The following TBCEL variants were observed in gnomAD, a reference collection of about 807,000 sequenced individuals.
The protein encoded by TBCEL is tubulin folding cofactor E like, also known as tubulin-specific chaperone cofactor E-like protein.
TBCEL carries 15 observed loss-of-function variants against 44.2 expected under a neutral mutation model. The ratio of observed to expected loss-of-function variants is 0.34; its 90% confidence interval spans 0.23 to 0.52. The LOEUF is 0.52. Among genes scored for constraint, TBCEL ranks in the 20% least tolerant of loss-of-function variants. The probability of loss-of-function intolerance (pLI) is 0.95; values close to 1 mark genes in which losing one functional copy is unlikely to be tolerated. For synonymous variants in TBCEL, 171 were observed against 185.4 expected (o/e 0.92, Z 0.63); for missense variants, 319 against 506.3 (o/e 0.63, Z 3.55).
intron 8 of TBCEL, among the ~76,000 whole-genome samples, chr11:121,086,152 C>G (rs1241829608): frequency 6.6e-6 from 1 of 152,228 alleles, no homozygotes; most frequent in East Asian, 1.9e-4. Context: ...CTCTTGGTAT[C>G]TTTTCCTTTG....
chr11:121,068,902 A>C (rs982453067), intron 8 of TBCEL, among the ~76,000 whole-genome samples: 21 of 151,226 alleles, frequency 1.4e-4, no homozygotes, highest in African/African-American at 3.4e-4. Context: ...AAAAAAAAAA[A>C]CAGACAAAAA....
Position 121,058,443 on chromosome 11 carries a change from G to A in TBCEL, c.811G>A (p.Glu271Lys), listed in dbSNP as rs1323250113. ...GIPLLQPYTT[E>K]ERRKLVIARL... is the part of the protein sequence containing the mutation. ...TCCTCTTCTGCAGCCATATACCACC[G>A]AGGAGCGAAGGAAATTGGTAATAGC... The change falls in exon 7 of 9, where the codon GAG (glutamate) becomes AAG (lysine). Residue 271 changes from glutamate (E) to lysine (K), a missense_variant. By Grantham distance (56) the Glu-to-Lys change is moderately conservative (BLOSUM62 1). Transcript: ENST00000683345. The A allele has an allele frequency of 6.2e-7, 1 of 1,611,690 alleles. No homozygotes were observed. Among genetic ancestry groups the A allele is most frequent in the Non-Finnish European group, 8.5e-7 (1 of 1,178,240 alleles).
intron 8 of TBCEL, among the ~76,000 whole-genome samples, chr11:121,076,041 C>T (rs1946027372): frequency 6.6e-6 from 1 of 151,866 alleles, no homozygotes; most frequent in Admixed American, 6.6e-5. Context: ...TTTATTGACC[C>T]ATGTCTGTGT....
In TBCEL at chr11:121,053,687, A is replaced by G. The variant is rs1273134336; in HGVS notation, c.410A>G (p.Lys137Arg). Residue 137 changes from lysine to arginine, a missense_variant, in exon 5 of 9, where the codon AAA becomes AGA. Transcript: ENST00000683345. ...GVRKLVLNNS[K>R]ASWETVHMIL... is the part of the protein sequence containing the mutation. ...CGCAAACTTGTCCTCAACAACAGCA[A>G]AGCTTCTTGGGAGACGGTCCACATG... 6.2e-7 allele frequency: 1 copy of G among 1,612,046 alleles called. No homozygotes were observed. The highest frequency in any genetic ancestry group is 8.5e-7 in the Non-Finnish European group (1 of 1,178,822).
chr11:121,059,371 C>T (rs1591400791), intron 7 of TBCEL, among the ~76,000 whole-genome samples: 2 of 151,864 alleles, frequency 1.3e-5, no homozygotes, highest in Non-Finnish European at 2.9e-5. Flanking sequence ...AATTATATAA[C>T]CCAGTTTTAC....
chr11:121,053,765 A>ATAAC lies in TBCEL; in HGVS notation c.455+34_455+35insAACT, dbSNP rs770669440. 57 of 1,605,128 alleles carry ATAAC rather than the reference A, an allele frequency of 3.6e-5. No individual in the cohort carries two copies. The African/African-American group carries it at 6.4e-4, about 18-fold the overall frequency. ...CAGAGAGCATGAGGGCGAGGGAGTT[A>ATAAC]TGTTGCCATCTGTGTTAGTACATAG... is the stretch of plus-strand genomic sequence containing the variant. On this transcript the variant is annotated intron_variant, in intron 5 of 8. Coordinates refer to ENST00000683345, the MANE Select transcript of TBCEL (RefSeq NM_001363644.2).
At chr11:121,054,019 G>A (rs1366323519) in intron 5 of TBCEL, among the ~76,000 whole-genome samples, 1 of 151,684 alleles carries the variant, frequency 6.6e-6, no homozygotes, top group Non-Finnish European at 1.5e-5. Context: ...GCCTTACTCT[G>A]TTTTAATCTT....
chr11:121,034,424 G>A (rs1039847716), intron 1 of TBCEL, among the ~76,000 whole-genome samples: 4 of 152,070 alleles, frequency 2.6e-5, no homozygotes, highest in Non-Finnish European at 5.9e-5. Context: ...ACCTCTTTTG[G>A]AATCTCCGTG....
chr11:121,079,050 A>G (rs188831088), intron 8 of TBCEL, among the ~76,000 whole-genome samples: 60 of 152,346 alleles, frequency 3.9e-4, no homozygotes, highest in Non-Finnish European at 6.6e-4. Context: ...TTTAAGAAAT[A>G]GTTGAAACAA....
chr11:121,062,077 T>C (rs1161159770), intron 8 of TBCEL, among the ~76,000 whole-genome samples: 5 of 152,054 alleles, frequency 3.3e-5, no homozygotes, highest in African/African-American at 1.2e-4. Flanking sequence ...TTTCTACTTT[T>C]TAAATTTTTT....
Position 121,075,261 on chromosome 11 carries a change from T to G in TBCEL, c.957-11517T>G, listed in dbSNP as rs542847082. 6.8e-4 allele frequency among the ~76,000 whole-genome samples: 103 copies of G among 151,964 alleles called. 2 individuals are homozygous for G. The South Asian group carries it at 0.02, about 30-fold the overall frequency. On this transcript the variant is annotated intron_variant, in intron 8 of 8. Coordinates refer to ENST00000683345, the MANE Select transcript of TBCEL (RefSeq NM_001363644.2). ...ACCAAAACAAATATACTTTCCTGAT[T>G]TCTGAAAAAGGTAGAAAAGCAATGC...
At chr11:121,067,413 A>G (rs777974917) in intron 8 of TBCEL, among the ~76,000 whole-genome samples, 1 of 152,224 alleles carries the variant, frequency 6.6e-6, no homozygotes, top group Non-Finnish European at 1.5e-5. Context: ...CAGGTGCTCA[A>G]TTATCCTTTT....
intron 5 of TBCEL, among the ~76,000 whole-genome samples, chr11:121,053,974 C>T (rs1041193075): frequency 2.6e-5 from 4 of 151,640 alleles, no homozygotes; most frequent in Non-Finnish European, 4.4e-5. Context: ...CTAGAAAATA[C>T]CCCTGAGAAG....
At chr11:121,041,833 A>G (rs1297033814) in intron 2 of TBCEL, among the ~76,000 whole-genome samples, 1 of 151,588 alleles carries the variant, frequency 6.6e-6, no homozygotes, top group South Asian at 2.1e-4. Context: ...ATGTGTGCCC[A>G]TCTGCATTCC....
intron 1 of TBCEL, chr11:121,035,264 C>G (rs1012493247): frequency 6.6e-6 from 1 of 152,126 alleles, no homozygotes; most frequent in African/African-American, 2.4e-5. Context: ...CTAGGAGTTA[C>G]AGGCTACTAC....
In TBCEL at chr11:121,060,104, G is replaced by A; in HGVS notation, c.956+19G>A. On this transcript the variant is annotated intron_variant, in intron 8 of 8. Transcript: ENST00000683345. ...CATTCAGGTAAAAAATTCCCCATTG[G>A]CCAAACACTTTAGAGGGTGGTGATG... 1 of 1,573,438 alleles carries A rather than the reference G, an allele frequency of 6.4e-7. No homozygotes were observed. Among genetic ancestry groups the A allele is most frequent in the Non-Finnish European group, 8.7e-7 (1 of 1,144,972 alleles).
At chr11:121,040,511 G>A (rs1180685951) in intron 2 of TBCEL, among the ~76,000 whole-genome samples, 2 of 151,906 alleles carry the variant, frequency 1.3e-5, no homozygotes, top group Non-Finnish European at 2.9e-5. Flanking sequence ...TTTCACTGTG[G>A]TTTGGTTCTC....
chr11:121,036,326 T>C (rs182562167), intron 1 of TBCEL, 179 bp from the exon 2 acceptor site: 1 of 152,348 alleles, frequency 6.6e-6, no homozygotes, highest in African/African-American at 2.4e-5. Flanking sequence ...TAGGAGTAGA[T>C]GTAAATTTGT....
chr11:121,067,960 TGCTGGGCCCTCTTCATGTTCCCAAC>T (rs1441965085), intron 8 of TBCEL, among the ~76,000 whole-genome samples: 3 of 152,254 alleles, frequency 2.0e-5, no homozygotes, highest in Non-Finnish European at 4.4e-5. Context: ...ATATTTCCTT[TGCTGGGCCCTCTTCATGTTCCCAAC>T]CTCTAAAACT....
Sources: gnomAD v4.1 joint callset for allele counts (sites outside exome capture counted in the v4.1 genomes callset) on GRCh38, gnomAD v4.1.1 for gene constraint, MANE v1.5 for transcripts, NCBI Gene and HGNC (gene_info 2026-07-23, HGNC 2026-07-21) for gene names.